The following RPL13 variants were observed in gnomAD, a reference collection of about 807,000 sequenced individuals.
RPL13 encodes the protein large ribosomal subunit protein eL13.
Under a neutral mutation model 21.4 loss-of-function variants are expected in RPL13, and 1 was observed. The ratio of observed to expected loss-of-function variants is 0.05; its 90% confidence interval spans 0.02 to 0.22. The LOEUF is 0.22. Ranked by LOEUF, RPL13 falls within the 10% of genes least tolerant of loss-of-function variation. The pLI is 1.00. For missense variants in RPL13, 289 were observed against 303.0 expected (o/e 0.95, Z 0.34); for synonymous variants, 143 against 120.5 (o/e 1.19, Z -1.23).
Position 89,561,210 on chromosome 16 carries a change from G to A in RPL13, c.105-17G>A. The A allele has an allele frequency of 6.5e-7, 1 of 1,537,056 alleles. No homozygotes were observed. On this transcript the variant is annotated splice_polypyrimidine_tract_variant and intron_variant, in intron 2 of 5. Transcript: ENST00000311528. ...GCCTTAGGCAAGGGTGACCGCCGCT[G>A]CGCTTCTCTCCACCAGACGTAAGGC...
At chr16:89,561,904 C>A in intron 4 of RPL13, 153 bp downstream of exon 4, 1 of 861,064 alleles carries the variant, frequency 1.2e-6, no homozygotes, top group Non-Finnish European at 1.8e-6. Context: ...TTCACCTGTG[C>A]GTTTCCGCAG....
chr16:89,562,403 C>G lies in RPL13; in HGVS notation c.477+12C>G, dbSNP rs1860612794. ...TGCCCGTCCGGAACGTAAGTGAACACTTACTCAAATCCAGGCTTCAGACGA... is the reference window on the plus strand; with the variant it reads ...TGCCCGTCCGGAACGTAAGTGAACAGTTACTCAAATCCAGGCTTCAGACGA... On this transcript the variant is annotated intron_variant, in intron 5 of 5. Coordinates refer to ENST00000311528, the MANE Select transcript of RPL13 (RefSeq NM_000977.4). The G allele has an allele frequency of 1.2e-6, 2 of 1,609,068 alleles. No individual in the cohort carries two copies. The highest frequency in any genetic ancestry group is 1.7e-6 in the Non-Finnish European group (2 of 1,178,894).
rs952821086 is a variant in RPL13 at position 89,562,146 on chromosome 16, C to T, written c.421-189C>T. 1.6e-5 allele frequency: 10 copies of T among 638,452 alleles called. No individual in the cohort carries two copies. In the Admixed American group the frequency reaches 1.9e-4, roughly 12 times the overall value. 39.5% of individuals were successfully genotyped at this position (638,452 alleles called of 1,614,324 possible). Reference sequence around the variant, plus strand: ...AACTGTCTCGTGCGTGTTGCGTCAACTCAGTAAGATATAGTCACCTAACTA... The same window carrying T: ...AACTGTCTCGTGCGTGTTGCGTCAATTCAGTAAGATATAGTCACCTAACTA... On this transcript the variant is annotated intron_variant, in intron 4 of 5. Coordinates refer to ENST00000311528, the MANE Select transcript of RPL13 (RefSeq NM_000977.4).
intron 3 of RPL13, 48 bp from the exon 4 acceptor site, chr16:89,561,530 C>A: frequency 6.2e-7 from 1 of 1,612,950 alleles, no homozygotes; most frequent in East Asian, 2.2e-5. Flanking sequence ...GGCCTCGGGG[C>A]TGGAGAAAGC....
In RPL13 at chr16:89,562,905, C is replaced by G. The variant is rs768387874; in HGVS notation, c.499C>G (p.Arg167Gly). The G allele has an allele frequency of 6.3e-7, 1 of 1,582,124 alleles. No homozygotes were observed. Among genetic ancestry groups the G allele is most frequent in the Non-Finnish European group, 8.6e-7 (1 of 1,166,876 alleles). Residue 167 changes from arginine (R) to glycine (G), a missense_variant, in exon 6 of 6, where the codon CGA becomes GGA. Physicochemically the swap from Arg to Gly is moderately radical, Grantham distance 125. Coordinates refer to ENST00000311528, the MANE Select transcript of RPL13 (RefSeq NM_000977.4). Reference protein sequence around the residue: ...VRNVYKKEKARVITEEEKNFK... With the variant: ...VRNVYKKEKAGVITEEEKNFK... ...CTAGGTCTATAAGAAGGAGAAAGCT[C>G]GAGTCATCACTGAGGAAGAGAAGAA...
In RPL13 at chr16:89,563,661, C is replaced by T. The variant is rs942528148; in HGVS notation, c.*619C>T. 1 of 152,148 alleles carries T rather than the reference C, an allele frequency of 6.6e-6. No homozygotes were observed. The highest frequency in any genetic ancestry group is 2.4e-5 in the African/African-American group (1 of 41,418). The allele number at this position is 152,148 out of a possible 1,614,324, so 9.4% of individuals were successfully genotyped here. Reference sequence around the variant, plus strand: ...CTCACTGCAGTCTTGAACTCATGGCCTCAAGCAGTCCTCCCTCAGCCTCCC... The same window carrying T: ...CTCACTGCAGTCTTGAACTCATGGCTTCAAGCAGTCCTCCCTCAGCCTCCC... On this transcript the variant is annotated 3_prime_UTR_variant, in exon 6 of 6. Transcript: ENST00000311528.
Position 89,562,907 on chromosome 16 carries a change from A to G in RPL13, c.501A>G (p.Arg167=), listed in dbSNP as rs150859008. ...AGGTCTATAAGAAGGAGAAAGCTCG[A>G]GTCATCACTGAGGAAGAGAAGAATT... ...VRNVYKKEKA[R]VITEEEKNFK... is the part of the protein sequence containing the mutation. Residue 167 remains arginine (R), a synonymous_variant, in exon 6 of 6, where the codon CGA becomes CGG. Transcript: ENST00000311528. 1.9e-6 allele frequency: 3 copies of G among 1,588,448 alleles called. No individual in the cohort carries two copies. In the African/African-American group the frequency reaches 4.1e-5, roughly 22 times the overall value.
downstream of RPL13, chr16:89,566,031 A>G (rs888175392): frequency 6.6e-5 from 10 of 152,250 alleles, no homozygotes; most frequent in African/African-American, 1.2e-4. Context: ...AGCATTTCCT[A>G]TTCAGCCTGT....
At chr16:89,564,734 T>G (rs1209693320), downstream of RPL13, 2 of 152,228 alleles carry the variant, frequency 1.3e-5, no homozygotes, top group African/African-American at 4.8e-5. Context: ...CCTGAAGATT[T>G]CTGGTGGATT....
In RPL13 at chr16:89,563,013, G is replaced by C; in HGVS notation, c.607G>C (p.Ala203Pro). The change falls in exon 6 of 6, where the codon GCA becomes CCA. Residue 203 changes from alanine to proline, a missense_variant. Physicochemically the swap from Ala to Pro is conservative, Grantham distance 27 (BLOSUM62 -1). Coordinates refer to ENST00000311528, the MANE Select transcript of RPL13 (RefSeq NM_000977.4). ...ACGGGCAAAAAGAGCCAAGGAAGCCGCAGAACAGGATGTTGAAAAGAAAAA... is the reference window on the plus strand; with the variant it reads ...ACGGGCAAAAAGAGCCAAGGAAGCCCCAGAACAGGATGTTGAAAAGAAAAA... ...GIRAKRAKEAAEQDVEKKK is the reference protein window; with the variant it reads ...GIRAKRAKEAPEQDVEKKK 1 of 1,560,434 alleles carries C rather than the reference G, an allele frequency of 6.4e-7. No homozygotes were observed. Among genetic ancestry groups the C allele is most frequent in the Non-Finnish European group, 8.7e-7 (1 of 1,153,270 alleles).
rs11546506 is a variant in RPL13 at position 89,563,269 on chromosome 16, G to C, written c.*227G>C. Reference sequence around the variant, plus strand: ...GTGACTGATGTAAAACGGTTTTCTTGTGGGGAGGTTACAGAGGCTGACTTC... The same window carrying C: ...GTGACTGATGTAAAACGGTTTTCTTCTGGGGAGGTTACAGAGGCTGACTTC... On this transcript the variant is annotated 3_prime_UTR_variant, in exon 6 of 6. Coordinates refer to ENST00000311528, the MANE Select transcript of RPL13 (RefSeq NM_000977.4). The C allele has an allele frequency of 2.7e-6, 1 of 374,800 alleles. No individual in the cohort carries two copies. Among genetic ancestry groups the C allele is most frequent in the Non-Finnish European group, 4.7e-6 (1 of 211,854 alleles). The allele number at this position is 374,800 out of a possible 1,614,324, so 23.2% of individuals were successfully genotyped here.
At chr16:89,562,508 G>A (rs2058752876) in intron 5 of RPL13, 117 bp downstream of exon 5, 7 of 942,806 alleles carry the variant, frequency 7.4e-6, no homozygotes, top group Non-Finnish European at 4.8e-6. Flanking sequence ...GGCAGTTGTG[G>A]GTGTGGAGGT....
rs1386599014 is a variant in RPL13 at position 89,563,140 on chromosome 16, T to C, written c.*98T>C. On this transcript the variant is annotated 3_prime_UTR_variant, in exon 6 of 6. Transcript: ENST00000311528. ...TGGGCCTGGGATGGGGCTTCACTGC[T>C]GTGACTTCCTCCTGCCAGGGGATTT... is the stretch of plus-strand genomic sequence containing the variant. 5 of 1,169,356 alleles carry C rather than the reference T, an allele frequency of 4.3e-6. No homozygotes were observed. The highest frequency in any genetic ancestry group is 3.9e-5 in the Admixed American group (1 of 25,672). 72.4% of individuals were successfully genotyped at this position (1,169,356 alleles called of 1,614,324 possible). A position where few individuals can be genotyped will look rare whatever the true frequency, so the allele number is the denominator to read the frequency against.
chr16:89,564,615 C>T (rs1391567714), downstream of RPL13: 1 of 152,240 alleles, frequency 6.6e-6, no homozygotes, highest in Non-Finnish European at 1.5e-5. Flanking sequence ...CCGAGCTGCA[C>T]CACTGTGCTC....
At chr16:89,562,073 A>C in intron 4 of RPL13, 2 of 586,300 alleles carry the variant, frequency 3.4e-6, no homozygotes, top group Non-Finnish European at 6.0e-6. Context: ...CCGGGTAGTT[A>C]AATTAGGGAA....
At chr16:89,561,863 G>C in intron 4 of RPL13, 112 bp downstream of exon 4, 1 of 1,175,598 alleles carries the variant, frequency 8.5e-7, no homozygotes, top group Non-Finnish European at 1.2e-6. Flanking sequence ...CCAAAACATT[G>C]TGGGTGATGA....
At chr16:89,564,570 T>C (rs145066302), downstream of RPL13, 3 of 152,336 alleles carry the variant, frequency 2.0e-5, no homozygotes, top group East Asian at 5.8e-4. Context: ...AGCTACTTGG[T>C]AGGCTTGAAC....
chr16:89,561,100 G>A (rs758990036), intron 2 of RPL13, 37 bp downstream of exon 2: 5 of 1,566,154 alleles, frequency 3.2e-6, no homozygotes, highest in Non-Finnish European at 4.3e-6. Context: ...TGGGGCTCGT[G>A]CCCGCGGCTG....
downstream of RPL13, chr16:89,566,481 G>A (rs915726195): frequency 1.3e-5 from 2 of 152,194 alleles, no homozygotes; most frequent in Non-Finnish European, 2.9e-5. Context: ...TTCCCAAGTT[G>A]TATTTTTCCT....
Sources: gnomAD v4.1 joint callset for allele counts on GRCh38, gnomAD v4.1.1 for gene constraint, MANE v1.5 for transcripts, NCBI Gene and HGNC (gene_info 2026-07-23, HGNC 2026-07-21) for gene names.